Variants in WARS2 observed in about 807,000 individuals in gnomAD.
The protein encoded by WARS2 is tryptophan--tRNA ligase, mitochondrial.
In WARS2, 28 loss-of-function variants were observed where a neutral mutation model predicts 36.5. That is an observed-to-expected ratio of 0.77 (90% confidence interval 0.57 to 1.05). The LOEUF (loss-of-function observed/expected upper bound fraction) is 1.05. Among genes scored for constraint, WARS2 ranks in the 50% least tolerant of loss-of-function variants. WARS2 has a pLI of 0.00. For synonymous variants in WARS2, 174 were observed against 178.4 expected (o/e 0.98, Z 0.20); for missense variants, 435 against 456.8 (o/e 0.95, Z 0.44).
Position 119,034,035 on chromosome 1 carries a change from A to G in WARS2, c.634+60T>C, listed in dbSNP as rs998171878. ...TCCCAAGAAAGTTCCAAGCCTATCT[A>G]TTGTCCAATCCTCTCTTTAGAATAT... is the stretch of plus-strand genomic sequence containing the variant. On this transcript the variant is annotated intron_variant, in intron 5 of 5. Coordinates refer to ENST00000235521, the MANE Select transcript of WARS2 (RefSeq NM_015836.4). 3.4e-5 allele frequency: 50 copies of G among 1,475,018 alleles called. No homozygotes were observed. The African/African-American group carries it at 6.3e-4, about 18-fold the overall frequency. The allele number at this position is 1,475,018 out of a possible 1,614,324, so 91.4% of individuals were successfully genotyped here. A position where few individuals can be genotyped will look rare whatever the true frequency, so the allele number is the denominator to read the frequency against.
At chr1:119,136,274 A>T (rs889096198) in intron 1 of WARS2, among the ~76,000 whole-genome samples, 1 of 152,290 alleles carries the variant, frequency 6.6e-6, no homozygotes, top group Admixed American at 6.5e-5. Context: ...TGGCTGCCGT[A>T]CTATCTGCTA....
rs192272921 is a variant in WARS2, at chr1:119,113,098, G to T, written c.90+27457C>A. Reference sequence around the variant, plus strand: ...TTTAGAGATTAGAATGCTAAAAGGTGATATTTGTGAAGTTATGCTACTGTT... The same window carrying T: ...TTTAGAGATTAGAATGCTAAAAGGTTATATTTGTGAAGTTATGCTACTGTT... On this transcript the variant is annotated intron_variant, in intron 1 of 5. Transcript: ENST00000235521. Among the ~76,000 whole-genome samples, 10 of 152,284 alleles carry T rather than the reference G, an allele frequency of 6.6e-5. 1 individual carries two copies. The East Asian group carries it at 1.9e-3, about 29-fold the overall frequency.
chr1:119,128,439 G>A (rs587641659), intron 1 of WARS2, among the ~76,000 whole-genome samples: 17 of 103,384 alleles, frequency 1.6e-4, no homozygotes, highest in African/African-American at 6.5e-4. Flanking sequence ...CTACACCCTC[G>A]GAATCCTTAG....
chr1:119,075,440 G>A (rs774396684), intron 2 of WARS2, among the ~76,000 whole-genome samples: 18 of 152,096 alleles, frequency 1.2e-4, no homozygotes, highest in Non-Finnish European at 2.1e-4. Context: ...TGGATGCCAA[G>A]GGATCATTAT....
chr1:119,098,180 T>A (rs1046801141), intron 1 of WARS2, among the ~76,000 whole-genome samples: 1 of 151,610 alleles, frequency 6.6e-6, no homozygotes, highest in Non-Finnish European at 1.5e-5. Context: ...ACCCAGGAGG[T>A]GGAGGTTGCA....
chr1:119,039,934 C>T (rs1202159457), intron 4 of WARS2, among the ~76,000 whole-genome samples: 2 of 151,670 alleles, frequency 1.3e-5, no homozygotes, highest in Non-Finnish European at 2.9e-5. Flanking sequence ...ATTTATAATA[C>T]AAATATTCAT....
chr1:119,091,066 T>G (rs1487674712), intron 1 of WARS2, among the ~76,000 whole-genome samples: 1 of 152,200 alleles, frequency 6.6e-6, no homozygotes, highest in East Asian at 1.9e-4. Flanking sequence ...AGATATTAAG[T>G]AATTTGTAAA....
chr1:119,087,039 A>T lies in WARS2; in HGVS notation c.91-10432T>A, dbSNP rs146260423. Among the ~76,000 whole-genome samples, 229 of 152,100 alleles carry T rather than the reference A, an allele frequency of 1.5e-3. 5 individuals carry two copies. Among genetic ancestry groups the T allele is most frequent in the Middle Eastern group, 0.01 (3 of 294 alleles). The stretch of plus-strand genomic sequence containing the variant: ...CTTCTTCCTCCTACCAAACACACCC[A>T]CACCTGTTCCATGCTCCACCACACA... On this transcript the variant is annotated intron_variant, in intron 1 of 5. Transcript: ENST00000235521.
intron 2 of WARS2, among the ~76,000 whole-genome samples, chr1:119,073,699 C>T (rs935223911): frequency 6.6e-6 from 1 of 152,162 alleles, no homozygotes; most frequent in African/African-American, 2.4e-5. Flanking sequence ...AATTTTGTCC[C>T]TCCTTAATGG....
chr1:119,046,425 A>G (rs1161455010), intron 2 of WARS2, among the ~76,000 whole-genome samples: 4 of 149,462 alleles, frequency 2.7e-5, no homozygotes, highest in Admixed American at 6.7e-5. Flanking sequence ...CTCAGTTCAC[A>G]GCAACCTCCG....
At chr1:119,098,326 T>C (rs1288490876) in intron 1 of WARS2, among the ~76,000 whole-genome samples, 2 of 152,360 alleles carry the variant, frequency 1.3e-5, no homozygotes, top group South Asian at 4.1e-4. Flanking sequence ...GCTTAAAAGC[T>C]ACCTCATAAA....
chr1:119,126,534 G>T, intron 1 of WARS2: 38 of 487,968 alleles, frequency 7.8e-5, no homozygotes, highest in South Asian at 1.7e-4. Flanking sequence ...TTAAAAGTCT[G>T]AACTTCAGAC....
intron 2 of WARS2, among the ~76,000 whole-genome samples, chr1:119,062,176 G>A (rs951856401): frequency 1.8e-4 from 28 of 152,128 alleles, no homozygotes; most frequent in African/African-American, 6.5e-4. Flanking sequence ...AGTACACCTG[G>A]AGAGAAAATA....
chr1:119,067,665 T>C (rs1650985045), intron 2 of WARS2, among the ~76,000 whole-genome samples: 1 of 152,234 alleles, frequency 6.6e-6, no homozygotes, highest in Non-Finnish European at 1.5e-5. Context: ...TAACATTTGC[T>C]AGACAAAATA....
chr1:119,067,756 C>T lies in WARS2; in HGVS notation c.348+8594G>A, dbSNP rs566501305. Among the ~76,000 whole-genome samples, 5 of 151,632 alleles carry T rather than the reference C, an allele frequency of 3.3e-5. No homozygotes were observed. The East Asian group carries it at 9.7e-4, about 29-fold the overall frequency. The stretch of plus-strand genomic sequence containing the variant: ...GAGCCACTTGCCCATAGTCTCACAA[C>T]CAAAAAGAAGTGACAGTAAGATTCA... On this transcript the variant is annotated intron_variant, in intron 2 of 5. Transcript: ENST00000235521.
intron 4 of WARS2, among the ~76,000 whole-genome samples, chr1:119,038,942 A>G (rs1648114731): frequency 6.6e-6 from 1 of 152,182 alleles, no homozygotes; most frequent in African/African-American, 2.4e-5. Context: ...TCGGCCTCCC[A>G]AAGTGCTGGG....
chr1:119,109,827 ACTTTT>A (rs1654507356), intron 1 of WARS2, among the ~76,000 whole-genome samples: 1 of 150,830 alleles, frequency 6.6e-6, no homozygotes, highest in Non-Finnish European at 1.5e-5. Flanking sequence ...TGTCTTCCAT[ACTTTT>A]CTGTAGTTTT....
At chr1:119,089,420 A>C (rs1287510976) in intron 1 of WARS2, among the ~76,000 whole-genome samples, 1 of 152,218 alleles carries the variant, frequency 6.6e-6, no homozygotes, top group Non-Finnish European at 1.5e-5. Context: ...TGATTGTGAT[A>C]ACTAGCTTGG....
rs200295197 is a variant in WARS2, at chr1:119,046,660, ATTTG to A, written c.349-1002_349-999del. ...CGTGAGCCACTGCGCCCAGCCCCAA[ATTTG>A]TTTGTTTCAACCAAATTTAATCAAG... On this transcript the variant is annotated intron_variant, in intron 2 of 5. Coordinates refer to ENST00000235521, the MANE Select transcript of WARS2 (RefSeq NM_015836.4). 3.8e-4 allele frequency among the ~76,000 whole-genome samples: 58 copies of A among 151,842 alleles called. No individual in the cohort carries two copies. The East Asian group carries it at 0.011, about 28-fold the overall frequency.
Sources: allele counts gnomAD v4.1 joint callset (sites outside exome capture counted in the v4.1 genomes callset), GRCh38; gene constraint gnomAD v4.1.1; transcripts MANE v1.5; gene names NCBI Gene and HGNC (gene_info 2026-07-23, HGNC 2026-07-21).